NRG3: variants seen among roughly 807,000 people sequenced by gnomAD.
NRG3 encodes the protein neuregulin 3.
In NRG3, 31 loss-of-function variants were observed where a neutral mutation model predicts 66.9. That is an observed-to-expected ratio of 0.46 (90% CI 0.35 to 0.63). The LOEUF is 0.63. Ranked by LOEUF, NRG3 falls within the 20% of genes least tolerant of loss-of-function variation. The pLI, the probability that NRG3 is intolerant of heterozygous loss-of-function variation, is 0.00. For missense variants in NRG3, 910 were observed against 878.9 expected (o/e 1.04, Z -0.45); for synonymous variants, 393 against 359.4 (o/e 1.09, Z -1.06).
intron 1 of NRG3, chr10:82,224,064 A>T (rs1259553896): frequency 6.6e-6 from 1 of 152,204 alleles, no homozygotes; most frequent in East Asian, 1.9e-4. Context: ...ACCATGTGAG[A>T]ACAAGGTCCC....
chr10:82,349,679 C>T (rs1362738345), intron 1 of NRG3, among the ~76,000 whole-genome samples: 1 of 152,006 alleles, frequency 6.6e-6, no homozygotes, highest in African/African-American at 2.4e-5. Flanking sequence ...TGCCGCCTTG[C>T]AGTTTGATCT....
At chr10:82,371,160 G>A (rs910005102) in intron 2 of NRG3, among the ~76,000 whole-genome samples, 3 of 152,080 alleles carry the variant, frequency 2.0e-5, no homozygotes, top group Non-Finnish European at 2.9e-5. Flanking sequence ...ACCATACTGG[G>A]CAGTGAAGCT....
intron 1 of NRG3, among the ~76,000 whole-genome samples, chr10:82,293,487 CT>C (rs2134638566): frequency 6.6e-6 from 1 of 152,208 alleles, no homozygotes; most frequent in Non-Finnish European, 1.5e-5. Context: ...AAATATCTTC[CT>C]TTAGTCAAAG....
chr10:82,315,438 G>A (rs1344616199), intron 1 of NRG3, among the ~76,000 whole-genome samples: 2 of 152,178 alleles, frequency 1.3e-5, no homozygotes, highest in East Asian at 3.9e-4. Context: ...TCAAAGGCCA[G>A]CTGTGTCTAG....
intron 2 of NRG3, among the ~76,000 whole-genome samples, chr10:82,651,666 T>G (rs2051424267): frequency 6.6e-6 from 1 of 152,212 alleles, no homozygotes; most frequent in South Asian, 2.1e-4. Context: ...AAAGGTGATT[T>G]TATACCCCCA....
intron 1 of NRG3, among the ~76,000 whole-genome samples, chr10:82,100,243 T>C (rs2066645557): frequency 6.6e-6 from 1 of 152,146 alleles, no homozygotes; most frequent in Non-Finnish European, 1.5e-5. Context: ...ATGGCTTTGC[T>C]ATATTACCAT....
intron 4 of NRG3, among the ~76,000 whole-genome samples, chr10:82,867,999 C>T (rs1000404050): frequency 2.0e-5 from 3 of 152,164 alleles, no homozygotes; most frequent in Non-Finnish European, 4.4e-5. Flanking sequence ...GTGGTGATTG[C>T]AGGCTCAGTG....
At position 82,345,023 on chromosome 10, in the gene NRG3, C is replaced by T. The variant is rs1301881191; in HGVS notation, c.824-13716C>T. Among the ~76,000 whole-genome samples, 47 of 116,280 alleles carry T rather than the reference C, an allele frequency of 4.0e-4. 2 individuals are homozygous for T. Among genetic ancestry groups the T allele is most frequent in the Non-Finnish European group, 6.3e-4 (40 of 63,464 alleles). The allele number at this position is 116,280 out of a possible 152,430, so 76.3% of individuals were successfully genotyped here. A position where few individuals can be genotyped will look rare whatever the true frequency, so the allele number is the denominator to read the frequency against. Reference sequence around the variant, plus strand: ...TCCCATTTTGTAGGTTGCCTGTTCACTCTGATGGTAGTTTCTTTTGCTGTG... The same window carrying T: ...TCCCATTTTGTAGGTTGCCTGTTCATTCTGATGGTAGTTTCTTTTGCTGTG... On this transcript the variant is annotated intron_variant, in intron 1 of 8. Transcript: ENST00000372141.
At chr10:82,464,736 A>G (rs1485710719) in intron 2 of NRG3, among the ~76,000 whole-genome samples, 1 of 152,232 alleles carries the variant, frequency 6.6e-6, no homozygotes, top group Admixed American at 6.5e-5. Flanking sequence ...TCAGGCAAAT[A>G]GGAGCTGCAT....
At chr10:81,905,020 A>T (rs1187883510) in intron 1 of NRG3, among the ~76,000 whole-genome samples, 11 of 152,200 alleles carry the variant, frequency 7.2e-5, no homozygotes. Flanking sequence ...CGTCCAGAAC[A>T]GGACCATCCT....
intron 3 of NRG3, among the ~76,000 whole-genome samples, chr10:82,808,150 A>T (rs2061359857): frequency 6.6e-6 from 1 of 152,070 alleles, no homozygotes; most frequent in Non-Finnish European, 1.5e-5. Context: ...TGTATCTTGA[A>T]TAATTGCTCT....
chr10:82,423,119 T>C (rs2089196099), intron 2 of NRG3, among the ~76,000 whole-genome samples: 1 of 151,946 alleles, frequency 6.6e-6, no homozygotes, highest in African/African-American at 2.4e-5. Flanking sequence ...AAACAATTTC[T>C]AGAAAAACAT....
chr10:82,082,842 C>G (rs534062368), intron 1 of NRG3, among the ~76,000 whole-genome samples: 21 of 152,166 alleles, frequency 1.4e-4, no homozygotes, highest in African/African-American at 5.1e-4. Flanking sequence ...GTGCATTTCT[C>G]TTTTTATTGC....
chr10:82,637,420 A>G (rs1334000329), intron 2 of NRG3, among the ~76,000 whole-genome samples: 1 of 152,204 alleles, frequency 6.6e-6, no homozygotes, highest in Non-Finnish European at 1.5e-5. Flanking sequence ...GTCACAAAAT[A>G]CTTATTAATT....
chr10:82,514,956 A>G (rs1398937389), intron 2 of NRG3, among the ~76,000 whole-genome samples: 3 of 152,150 alleles, frequency 2.0e-5, no homozygotes, highest in South Asian at 2.1e-4. Flanking sequence ...ATGTTCATCT[A>G]TGTCTTCCTA....
chr10:82,088,569 T>C (rs1043404382), intron 1 of NRG3, among the ~76,000 whole-genome samples: 1 of 152,180 alleles, frequency 6.6e-6, no homozygotes, highest in Non-Finnish European at 1.5e-5. Flanking sequence ...TTTCTTTTCA[T>C]GTGCAAAGGG....
chr10:81,957,414 GC>G (rs1849945376), intron 1 of NRG3, among the ~76,000 whole-genome samples: 1 of 151,702 alleles, frequency 6.6e-6, no homozygotes, highest in Non-Finnish European at 1.5e-5. Flanking sequence ...TCATGACTCT[GC>G]CCCCCATTTA....
intron 2 of NRG3, among the ~76,000 whole-genome samples, chr10:82,731,331 C>T (rs924162603): frequency 6.8e-6 from 1 of 147,332 alleles, no homozygotes; most frequent in African/African-American, 2.6e-5. Flanking sequence ...CATGCCACTG[C>T]ACTCCAGCCT....
intron 1 of NRG3, among the ~76,000 whole-genome samples, chr10:81,918,924 CTTATTTAT>C (rs1033385485): frequency 1.3e-5 from 2 of 151,036 alleles, no homozygotes; most frequent in East Asian, 3.9e-4. Context: ...CAACACATTG[CTTATTTAT>C]TTATTTATTT....
Sources: gnomAD v4.1 joint callset for allele counts (sites outside exome capture counted in the v4.1 genomes callset) on GRCh38, gnomAD v4.1.1 for gene constraint, MANE v1.5 for transcripts, NCBI Gene and HGNC (gene_info 2026-07-23, HGNC 2026-07-21) for gene names.